WRN: variants seen among roughly 807,000 people sequenced by gnomAD.
WRN encodes bifunctional 3'-5' exonuclease/ATP-dependent helicase WRN.
Under a neutral mutation model 180.7 loss-of-function variants are expected in WRN, and 149 were observed. The ratio of observed to expected loss-of-function variants is 0.82; its 90% CI spans 0.72 to 0.94. WRN has a LOEUF of 0.94. WRN is among the 40% of genes least tolerant of loss of function. WRN has a pLI of 0.00. For synonymous variants in WRN, 548 were observed against 568.9 expected, an observed-to-expected ratio of 0.96 and a Z score of 0.52; for missense variants, 1,661 against 1,700.1, an observed-to-expected ratio of 0.98 and a Z score of 0.40.
chr8:31,160,822 A>G (rs900873924), intron 33 of WRN, among the ~76,000 whole-genome samples: 1 of 152,026 alleles, frequency 6.6e-6, no homozygotes, highest in South Asian at 2.1e-4. Context: ...CGTCTCTACT[A>G]AAAATACCAA....
At position 31,116,505 on chromosome 8, in the gene WRN, AG is replaced by A. The variant is rs2130306151; in HGVS notation, c.2427del (p.Arg809SerfsTer3). ...SFSTRKDIHH[R>X]FVRDEIQCVI... ...TAGCACAAGGAAAGACATTCATCAT[AG>A]GTTTGTAAGAGATGAAATTCAGGTA... On this transcript the variant is annotated frameshift_variant, in exon 20 of 35. Coordinates refer to ENST00000298139, the MANE Select transcript of WRN (RefSeq NM_000553.6). LOFTEE classifies it high-confidence loss of function. 1.2e-6 allele frequency: 2 copies of A among 1,613,978 alleles called. No individual in the cohort carries two copies. Among genetic ancestry groups the A allele is most frequent in the Non-Finnish European group, 1.7e-6 (2 of 1,179,888 alleles).
intron 31 of WRN, 143 bp downstream of exon 31, chr8:31,150,598 A>G: frequency 2.7e-6 from 2 of 729,488 alleles, no homozygotes; most frequent in Non-Finnish European, 2.4e-6. Flanking sequence ...AATTGTTTTT[A>G]CAGTCAATCT....
chr8:31,141,335 T>A, intron 24 of WRN, 95 bp from the exon 25 acceptor site: 1 of 1,501,442 alleles, frequency 6.7e-7, no homozygotes, highest in African/African-American at 1.4e-5. Context: ...TGAAATTTAG[T>A]GTAAATCCAA....
chr8:31,064,119 T>A (rs1051091357), intron 3 of WRN, among the ~76,000 whole-genome samples, 170 bp from the exon 4 acceptor site: 20 of 152,232 alleles, frequency 1.3e-4, no homozygotes, highest in African/African-American at 4.1e-4. Context: ...CTTTTCTTAC[T>A]TATTTTTCAA....
intron 27 of WRN, among the ~76,000 whole-genome samples, chr8:31,143,249 T>A (rs1017299394): frequency 6.6e-5 from 10 of 152,214 alleles, no homozygotes; most frequent in African/African-American, 2.4e-4. Flanking sequence ...TTCTGCTTTA[T>A]TGAAGTATGC....
At chr8:31,050,676 C>T (rs1812047621) in intron 1 of WRN, among the ~76,000 whole-genome samples, 1 of 151,972 alleles carries the variant, frequency 6.6e-6, no homozygotes, top group South Asian at 2.1e-4. Flanking sequence ...TATTAGTTTT[C>T]CTTTGTGCAA....
chr8:31,111,881 G>A, intron 19 of WRN, 82 bp downstream of exon 19: 7 of 1,506,296 alleles, frequency 4.6e-6, no homozygotes, highest in Non-Finnish European at 6.3e-6. Context: ...TGTTATTTAC[G>A]ATTTCCTTCT....
chr8:31,094,094 T>C (rs1402963704), intron 16 of WRN, among the ~76,000 whole-genome samples: 1 of 152,210 alleles, frequency 6.6e-6, no homozygotes, highest in African/African-American at 2.4e-5. Flanking sequence ...GACATATGTT[T>C]TCATTTTATT....
intron 34 of WRN, chr8:31,171,138 A>G (rs1804085550): frequency 1.3e-5 from 2 of 152,192 alleles, no homozygotes; most frequent in South Asian, 4.1e-4. Flanking sequence ...TTAAAGTTCA[A>G]ACCTGGTTCT....
chr8:31,134,651 A>G (rs75731844), intron 24 of WRN, among the ~76,000 whole-genome samples: 1 of 152,352 alleles, frequency 6.6e-6, no homozygotes, highest in Admixed American at 6.5e-5. Context: ...TAACTGACAG[A>G]TTAAGTGAAA....
intron 1 of WRN, among the ~76,000 whole-genome samples, chr8:31,034,846 CTG>C (rs1408367053): frequency 6.6e-6 from 1 of 152,148 alleles, no homozygotes; most frequent in Non-Finnish European, 1.5e-5. Context: ...TGGCTGTACA[CTG>C]TAACTCATAG....
intron 9 of WRN, among the ~76,000 whole-genome samples, chr8:31,081,822 G>GGGA (rs1220762729): frequency 2.0e-5 from 3 of 151,888 alleles, no homozygotes; most frequent in Non-Finnish European, 4.4e-5. Context: ...GTGCAGTGGT[G>GGGA]GGATCTTGGC....
At chr8:31,052,677 G>A (rs2129973416) in intron 1 of WRN, among the ~76,000 whole-genome samples, 1 of 152,252 alleles carries the variant, frequency 6.6e-6, no homozygotes, top group Middle Eastern at 3.4e-3. Context: ...GTGAGCCACT[G>A]CGCCTTAATT....
At chr8:31,100,133 G>A (rs2130224731) in intron 17 of WRN, among the ~76,000 whole-genome samples, 1 of 152,326 alleles carries the variant, frequency 6.6e-6, no homozygotes, top group South Asian at 2.1e-4. Flanking sequence ...TGTTACTACT[G>A]TGAAAAATCT....
At chr8:31,115,689 A>G (rs573099242) in intron 19 of WRN, among the ~76,000 whole-genome samples, 1 of 152,196 alleles carries the variant, frequency 6.6e-6, no homozygotes, top group Non-Finnish European at 1.5e-5. Flanking sequence ...ATGTAAATGA[A>G]TATTTTTAGG....
At chr8:31,039,721 C>T (rs1308279903) in intron 1 of WRN, among the ~76,000 whole-genome samples, 2 of 152,052 alleles carry the variant, frequency 1.3e-5, no homozygotes, top group Non-Finnish European at 2.9e-5. Context: ...TGAGGAAATA[C>T]CCTTTTATTC....
intron 23 of WRN, among the ~76,000 whole-genome samples, chr8:31,129,611 AAATC>A (rs1337300175): frequency 2.0e-5 from 3 of 152,238 alleles, no homozygotes; most frequent in Non-Finnish European, 1.5e-5. Flanking sequence ...TTCAAAGAAA[AAATC>A]AAACTGGAAA....
chr8:31,077,712 T>A (rs1161160951), intron 8 of WRN, among the ~76,000 whole-genome samples: 2 of 152,256 alleles, frequency 1.3e-5, no homozygotes, highest in African/African-American at 4.8e-5. Context: ...TCACATGTGC[T>A]TAATGCTTTG....
rs11574196 is a variant in WRN, at chr8:31,063,522, C to T, written c.210-767C>T. Among the ~76,000 whole-genome samples the T allele has an allele frequency of 2.3e-3, 353 of 152,220 alleles. 2 individuals are homozygous for T. Among genetic ancestry groups the T allele is most frequent in the Non-Finnish European group, 3.9e-3 (267 of 68,012 alleles). ...TTATGCACCTTCAACTAGATATTGT[C>T]GTTGTCAAAGTTTTTTTCCAAAAGG... On this transcript the variant is annotated intron_variant, in intron 3 of 34. Transcript: ENST00000298139.
Sources: allele counts gnomAD v4.1 joint callset (sites outside exome capture counted in the v4.1 genomes callset), GRCh38; gene constraint gnomAD v4.1.1; transcripts MANE v1.5; gene names NCBI Gene and HGNC (gene_info 2026-07-23, HGNC 2026-07-21).